The following EXOC2 variants were observed in gnomAD, a reference collection of about 807,000 sequenced individuals.
EXOC2 encodes the protein SEC5-like 1.
A neutral mutation model predicts 131.8 loss-of-function variants in EXOC2; 70 were observed. That is an observed-to-expected ratio of 0.53 (90% CI 0.44 to 0.65). EXOC2 has a LOEUF of 0.65. EXOC2 is among the 30% of genes least tolerant of loss of function. The pLI is 0.00. For missense variants in EXOC2, 923 were observed against 1,108.6 expected (o/e 0.83, Z 2.38); for synonymous variants, 411 against 398.4 (o/e 1.03, Z -0.38).
chr6:544,952 C>T (rs919993814), intron 22 of EXOC2, among the ~76,000 whole-genome samples: 3 of 151,644 alleles, frequency 2.0e-5, no homozygotes, highest in Non-Finnish European at 4.4e-5. Flanking sequence ...TCGAGACCAT[C>T]CTGGCTAACA....
At chr6:568,554 G>A (rs9378418) in intron 13 of EXOC2, among the ~76,000 whole-genome samples, 1 of 152,110 alleles carries the variant, frequency 6.6e-6, no homozygotes, top group Non-Finnish European at 1.5e-5. Context: ...TGTGAGTGCA[G>A]GGATAGGCAT....
chr6:578,267 A>G (rs1026408852), intron 11 of EXOC2, among the ~76,000 whole-genome samples: 7 of 152,222 alleles, frequency 4.6e-5, no homozygotes, highest in Non-Finnish European at 8.8e-5. Context: ...TGTCTCTGAT[A>G]ATGCAAACTA....
At chr6:668,201 T>C (rs1467774730) in intron 1 of EXOC2, among the ~76,000 whole-genome samples, 2 of 152,216 alleles carry the variant, frequency 1.3e-5, no homozygotes, top group Non-Finnish European at 2.9e-5. Flanking sequence ...TTGCCTATTA[T>C]TAATTTTGGA....
chr6:572,653 G>C lies in EXOC2; in HGVS notation c.1319-9C>G. ...AGTTTTGTATCTCCACGCTAAGGGGGAAAAGAATAAAATACTATGATTGTA... is the reference window on the plus strand; with the variant it reads ...AGTTTTGTATCTCCACGCTAAGGGGCAAAAGAATAAAATACTATGATTGTA... On this transcript the variant is annotated splice_polypyrimidine_tract_variant and intron_variant, in intron 12 of 27. Transcript: ENST00000230449. The C allele has an allele frequency of 1.2e-6, 2 of 1,610,672 alleles. No individual in the cohort carries two copies. Among genetic ancestry groups the C allele is most frequent in the Non-Finnish European group, 1.7e-6 (2 of 1,179,058 alleles).
intron 27 of EXOC2, among the ~76,000 whole-genome samples, chr6:488,011 C>T (rs184455550): frequency 2.8e-4 from 43 of 152,242 alleles, no homozygotes; most frequent in African/African-American, 1.0e-3. Flanking sequence ...GGAACCAATT[C>T]AAATAGAGGA....
chr6:674,051 C>T (rs146833226), intron 1 of EXOC2, among the ~76,000 whole-genome samples: 1 of 152,196 alleles, frequency 6.6e-6, no homozygotes, highest in Non-Finnish European at 1.5e-5. Flanking sequence ...GAACTACCAA[C>T]ACTTTCAATC....
intron 1 of EXOC2, among the ~76,000 whole-genome samples, chr6:645,892 C>G (rs1099772): frequency 0.95 from 145,049 of 152,332 alleles, 69,158 homozygotes; most frequent in East Asian, 1. Context: ...TGCTGTACCA[C>G]TAAGGAAGTG....
At chr6:682,199 CTTTTTTT>C (rs10654916) in intron 1 of EXOC2, among the ~76,000 whole-genome samples, 6 of 129,638 alleles carry the variant, frequency 4.6e-5, no homozygotes, top group African/African-American at 1.5e-4. Flanking sequence ...TTCCCAGTTT[CTTTTTTT>C]TTTTTTTTTT....
intron 4 of EXOC2, among the ~76,000 whole-genome samples, chr6:626,561 A>C (rs976647775): frequency 6.6e-6 from 1 of 151,220 alleles, no homozygotes; most frequent in African/African-American, 2.4e-5. Context: ...CAATCTGATA[A>C]CTCACTAGGA....
intron 1 of EXOC2, among the ~76,000 whole-genome samples, chr6:676,783 A>C (rs868359139): frequency 5.8e-3 from 423 of 73,436 alleles, no homozygotes; most frequent in East Asian, 0.036. Context: ...GTTCCTCGGG[A>C]GACTCTGCGG....
chr6:592,491 C>A lies in EXOC2; in HGVS notation c.1170G>T (p.Glu390Asp). Residue 390 changes from glutamate (E) to aspartate (D), a missense_variant, in exon 11 of 28, where the codon GAG becomes GAT. By Grantham distance (45) the Glu-to-Asp change is conservative (BLOSUM62 2). Transcript: ENST00000230449. ...TGCCTTTCAGATCTTTCACGTAGCC[C>A]TCTTTGCAACTGTGCATGAGCTGAA... The part of the protein sequence containing the change: ...WILQLMHSCK[E>D]GYVKDLKGNP... The A allele has an allele frequency of 1.2e-6, 2 of 1,613,932 alleles. No homozygotes were observed. Among genetic ancestry groups the A allele is most frequent in the Non-Finnish European group, 1.7e-6 (2 of 1,179,900 alleles).
At chr6:498,787 C>T in intron 24 of EXOC2, among the ~76,000 whole-genome samples, 1 of 152,286 alleles carries the variant, frequency 6.6e-6, no homozygotes, top group Admixed American at 6.5e-5. Flanking sequence ...AACCTAAAAA[C>T]ACCCTTCTTG....
Position 555,227 on chromosome 6 carries a change from T to C in EXOC2, c.2054A>G (p.His685Arg). The C allele has an allele frequency of 6.8e-7, 1 of 1,467,946 alleles. No individual in the cohort carries two copies. Among genetic ancestry groups the C allele is most frequent in the Non-Finnish European group, 9.2e-7 (1 of 1,089,600 alleles). The allele number at this position is 1,467,946 out of a possible 1,614,324, so 90.9% of individuals were successfully genotyped here. A position where few individuals can be genotyped will look rare whatever the true frequency, so the allele number is the denominator to read the frequency against. ...TGAGATTAATTTAATTTTTACTTAC[T>C]GTGTAGTATCTATATCTGCATCAGG... ...TKPDADIDTT[H>R]LSVDVSSPDL... is the part of the protein sequence containing the mutation. The change falls in exon 20 of 28, where the codon CAT (histidine) becomes CGT (arginine). Residue 685 changes from histidine (H) to arginine (R), a missense_variant and splice_region_variant. Transcript: ENST00000230449.
intron 26 of EXOC2, among the ~76,000 whole-genome samples, chr6:489,636 G>GTATT (rs1763303478): frequency 6.6e-6 from 1 of 152,174 alleles, no homozygotes; most frequent in South Asian, 2.1e-4. Context: ...CAAGGAGAAA[G>GTATT]TATTAGAAAA....
chr6:564,181 G>C (rs778254526), intron 15 of EXOC2, 27 bp from the exon 16 acceptor site: 2 of 1,610,174 alleles, frequency 1.2e-6, no homozygotes, highest in South Asian at 2.2e-5. Flanking sequence ...CCAAACAGAA[G>C]TGAGCAGAGT....
intron 1 of EXOC2, among the ~76,000 whole-genome samples, chr6:644,116 T>A (rs1561963555): frequency 6.6e-6 from 1 of 152,098 alleles, no homozygotes; most frequent in Non-Finnish European, 1.5e-5. Flanking sequence ...ATATCAAGCC[T>A]ATATGAATTA....
intron 2 of EXOC2, among the ~76,000 whole-genome samples, chr6:636,850 C>G (rs999911701): frequency 6.6e-6 from 1 of 152,170 alleles, no homozygotes; most frequent in Non-Finnish European, 1.5e-5. Flanking sequence ...AACTCTCTAC[C>G]CTGGCTGTCC....
chr6:564,126 C>G lies in EXOC2; in HGVS notation c.1696G>C (p.Glu566Gln). 1 of 1,614,090 alleles carries G rather than the reference C, an allele frequency of 6.2e-7. No homozygotes were observed. Among genetic ancestry groups the G allele is most frequent in the Non-Finnish European group, 8.5e-7 (1 of 1,180,000 alleles). Residue 566 changes from glutamate (E) to glutamine (Q), a missense_variant, in exon 16 of 28, where the codon GAA becomes CAA. Glu to Gln is a conservative substitution (Grantham distance 29). Transcript: ENST00000230449. ...GTCTGTAACAGGTCATTAGGAATTTCAAGGGCAGTCAACGATTCATGAGTA... is the reference window on the plus strand; with the variant it reads ...GTCTGTAACAGGTCATTAGGAATTTGAAGGGCAGTCAACGATTCATGAGTA... Reference protein sequence around the residue: ...RLTHESLTALEIPNDLLQTIQ... With the variant: ...RLTHESLTALQIPNDLLQTIQ...
At chr6:679,688 C>T (rs1411973001) in intron 1 of EXOC2, among the ~76,000 whole-genome samples, 1 of 152,078 alleles carries the variant, frequency 6.6e-6, no homozygotes, top group African/African-American at 2.4e-5. Context: ...GGGGAAAAAA[C>T]GGAAACATCC....
Sources: allele counts gnomAD v4.1 joint callset (sites outside exome capture counted in the v4.1 genomes callset), GRCh38; gene constraint gnomAD v4.1.1; transcripts MANE v1.5; gene names NCBI Gene and HGNC (gene_info 2026-07-23, HGNC 2026-07-21).